TBC1D22A: variants seen among roughly 807,000 people sequenced by gnomAD.
TBC1D22A encodes putative GTPase activator.
Under a neutral mutation model 60.2 loss-of-function variants are expected in TBC1D22A, and 38 were observed. That is an observed-to-expected ratio of 0.63 (90% CI 0.49 to 0.83). The LOEUF (loss-of-function observed/expected upper bound fraction) is 0.83, where lower values mean the gene tolerates loss of function less well. Among genes scored for constraint, TBC1D22A ranks in the 40% least tolerant of loss-of-function variants. The pLI is 0.00. For synonymous variants in TBC1D22A, 302 were observed against 281.7 expected, an observed-to-expected ratio of 1.07 and a Z score of -0.72; for missense variants, 628 against 701.0, an observed-to-expected ratio of 0.90 and a Z score of 1.18.
At chr22:46,941,413 T>TACGGAATATACACGGAATATATATAC in intron 8 of TBC1D22A, among the ~76,000 whole-genome samples, 1 of 79,500 alleles carries the variant, frequency 1.3e-5, no homozygotes, top group East Asian at 2.8e-4. Context: ...AGAATATATA[T>TACGGAATATACACGGAATATATATAC]ACGGAATATA....
chr22:46,974,771 G>A (rs1602748075), intron 9 of TBC1D22A, among the ~76,000 whole-genome samples: 1 of 152,214 alleles, frequency 6.6e-6, no homozygotes, highest in South Asian at 2.1e-4. Context: ...CAGATCGGGG[G>A]CCACAGCTCC....
chr22:47,117,279 C>T (rs2066103024), intron 12 of TBC1D22A: 1 of 164,442 alleles, frequency 6.1e-6, no homozygotes, highest in South Asian at 1.2e-4. Context: ...GAAGAAAACA[C>T]TGGGTAGAGC....
chr22:46,820,291 C>T (rs1365206007), intron 4 of TBC1D22A, among the ~76,000 whole-genome samples: 1 of 152,038 alleles, frequency 6.6e-6, no homozygotes, highest in Non-Finnish European at 1.5e-5. Context: ...GATTAGTTTG[C>T]TCTTGCCTCT....
intron 8 of TBC1D22A, among the ~76,000 whole-genome samples, chr22:46,957,600 G>C (rs932516601): frequency 6.6e-6 from 1 of 152,240 alleles, no homozygotes; most frequent in East Asian, 1.9e-4. Context: ...AGACTTGGGT[G>C]GGGGCACAGA....
At chr22:46,779,354 GC>G (rs140962588) in intron 1 of TBC1D22A, among the ~76,000 whole-genome samples, 2,492 of 152,188 alleles carry the variant, frequency 0.016, 72 homozygotes, top group African/African-American at 0.057. Flanking sequence ...GTGGTGCGTG[GC>G]TTGACTTCTC....
At chr22:46,880,624 G>A (rs1398846672) in intron 5 of TBC1D22A, among the ~76,000 whole-genome samples, 7 of 152,126 alleles carry the variant, frequency 4.6e-5, no homozygotes, top group South Asian at 4.1e-4. Context: ...CAGTGGTGGT[G>A]GAGGCCAGAC....
chr22:47,112,789 A>G (rs78902218), intron 12 of TBC1D22A, among the ~76,000 whole-genome samples: 3,713 of 152,164 alleles, frequency 0.024, 120 homozygotes, highest in African/African-American at 0.081. Flanking sequence ...TGGCATCTCA[A>G]TCTCAGACAC....
intron 8 of TBC1D22A, among the ~76,000 whole-genome samples, chr22:46,934,115 G>A (rs371496123): frequency 2.6e-5 from 4 of 152,206 alleles, no homozygotes; most frequent in African/African-American, 7.2e-5. Flanking sequence ...CCAGTGAATG[G>A]GTGAGTTTGC....
chr22:47,132,318 G>C (rs1213993680), intron 12 of TBC1D22A, among the ~76,000 whole-genome samples: 1 of 152,172 alleles, frequency 6.6e-6, no homozygotes, highest in Non-Finnish European at 1.5e-5. Context: ...CACAGGAGCT[G>C]GCTCTGCCTG....
chr22:46,852,050 G>A (rs2087304750), intron 4 of TBC1D22A, among the ~76,000 whole-genome samples: 1 of 152,246 alleles, frequency 6.6e-6, no homozygotes. Flanking sequence ...GCACTGTGGT[G>A]GGGCTCAGGG....
At chr22:46,844,045 G>C (rs1298350921) in intron 4 of TBC1D22A, among the ~76,000 whole-genome samples, 1 of 151,608 alleles carries the variant, frequency 6.6e-6, no homozygotes, top group Non-Finnish European at 1.5e-5. Flanking sequence ...CTTCTTGGCT[G>C]TCATTTGCAA....
intron 9 of TBC1D22A, among the ~76,000 whole-genome samples, chr22:46,996,698 A>G (rs772022215): frequency 3.3e-5 from 5 of 152,192 alleles, no homozygotes; most frequent in Non-Finnish European, 7.3e-5. Flanking sequence ...CTGAGGCCCA[A>G]AGGGCAGCCT....
At chr22:46,853,142 G>T (rs2087373771) in intron 4 of TBC1D22A, among the ~76,000 whole-genome samples, 2 of 152,158 alleles carry the variant, frequency 1.3e-5, no homozygotes, top group African/African-American at 4.8e-5. Context: ...GGCCTTTGCT[G>T]AGCATCCGTG....
intron 1 of TBC1D22A, 118 bp from the exon 2 acceptor site, chr22:46,792,402 A>T: frequency 7.2e-7 from 1 of 1,396,796 alleles, no homozygotes; most frequent in Non-Finnish European, 1.0e-6. Context: ...ACAGCCCATG[A>T]GGAGCTGCTT....
chr22:46,853,831 G>A (rs751513806), intron 4 of TBC1D22A, among the ~76,000 whole-genome samples: 10 of 152,282 alleles, frequency 6.6e-5, no homozygotes, highest in Non-Finnish European at 1.0e-4. Context: ...GTGGCTGGTC[G>A]GAGTGATGGG....
At chr22:47,110,920 G>C (rs1264358308) in intron 11 of TBC1D22A, among the ~76,000 whole-genome samples, 1 of 152,252 alleles carries the variant, frequency 6.6e-6, no homozygotes. Flanking sequence ...AGGGGGAGCA[G>C]GGAAGCCTTG....
At chr22:46,817,056 A>G (rs953579907) in intron 4 of TBC1D22A, among the ~76,000 whole-genome samples, 3 of 152,198 alleles carry the variant, frequency 2.0e-5, no homozygotes, top group African/African-American at 7.2e-5. Flanking sequence ...TAAACTCATC[A>G]AGTTGTATAC....
intron 10 of TBC1D22A, among the ~76,000 whole-genome samples, chr22:47,014,682 G>A (rs2061853950): frequency 6.6e-6 from 1 of 152,194 alleles, no homozygotes; most frequent in Non-Finnish European, 1.5e-5. Context: ...ACTCTTGTCC[G>A]AGTCACGCAG....
At chr22:47,039,806 A>G (rs1229652162) in intron 11 of TBC1D22A, among the ~76,000 whole-genome samples, 2 of 151,288 alleles carry the variant, frequency 1.3e-5, no homozygotes, top group Non-Finnish European at 2.9e-5. Flanking sequence ...TACGGAAGGT[A>G]TAGTGCTGGC....
Sources: allele counts gnomAD v4.1 joint callset (sites outside exome capture counted in the v4.1 genomes callset), GRCh38; gene constraint gnomAD v4.1.1; transcripts MANE v1.5; gene names NCBI Gene and HGNC (gene_info 2026-07-23, HGNC 2026-07-21).